Variants in TRMT11 observed in about 807,000 individuals in gnomAD.
TRMT11 encodes the protein tRNA methyltransferase 11.
In TRMT11, 53 loss-of-function variants were observed where a neutral mutation model predicts 62.8. The ratio of observed to expected loss-of-function variants is 0.84; its 90% confidence interval spans 0.68 to 1.06. The LOEUF (loss-of-function observed/expected upper bound fraction) is 1.06. Among genes scored for constraint, TRMT11 ranks in the 50% least tolerant of loss-of-function variants. TRMT11 has a pLI of 0.00. For missense variants in TRMT11, 556 were observed against 553.4 expected, an observed-to-expected ratio of 1.00 and a Z score of -0.05; for synonymous variants, 188 against 190.3, an observed-to-expected ratio of 0.99 and a Z score of 0.10.
At chr6:126,118,795 A>G (rs1777617002) in intron 21 of TRMT11, among the ~76,000 whole-genome samples, 1 of 152,128 alleles carries the variant, frequency 6.6e-6, no homozygotes, top group Non-Finnish European at 1.5e-5. Context: ...GTGAAAAATT[A>G]TAGAAATCAC....
intron 9 of TRMT11, 79 bp downstream of exon 9, chr6:126,011,496 A>G: frequency 5.6e-6 from 7 of 1,241,360 alleles, no homozygotes; most frequent in East Asian, 5.0e-5. Flanking sequence ...AAATTTACCA[A>G]CACATGCACA....
At chr6:126,167,621 C>T (rs1023427944) in intron 21 of TRMT11, among the ~76,000 whole-genome samples, 1 of 152,140 alleles carries the variant, frequency 6.6e-6, no homozygotes, top group African/African-American at 2.4e-5. Context: ...TTCAGCTTAT[C>T]TAAAAAATAA....
chr6:125,986,576 G>C lies in TRMT11; in HGVS notation c.26G>C (p.Arg9Thr). ...ATGGCGCTGTCGTGTACCCTTAACA[G>C]GTATCTGCTCCTCATGGCGCAGGAG... is the stretch of plus-strand genomic sequence containing the variant. MALSCTLN[R>T]YLLLMAQEHL... The change falls in exon 1 of 13, where the codon AGG becomes ACG. Residue 9 changes from arginine to threonine, a missense_variant. By Grantham distance (71) the Arg-to-Thr change is moderately conservative. Transcript: ENST00000334379. The C allele has an allele frequency of 1.3e-6, 2 of 1,592,194 alleles. No homozygotes were observed. The highest frequency in any genetic ancestry group is 1.8e-5 in the Admixed American group (1 of 56,476).
At chr6:126,099,120 A>T (rs950939228) in intron 17 of TRMT11, among the ~76,000 whole-genome samples, 1 of 152,156 alleles carries the variant, frequency 6.6e-6, no homozygotes, top group Non-Finnish European at 1.5e-5. Context: ...ATTCATTGTT[A>T]GCTTCTTATC....
intron 17 of TRMT11, among the ~76,000 whole-genome samples, chr6:126,088,339 C>T (rs1291531144): frequency 6.6e-6 from 1 of 152,032 alleles, no homozygotes; most frequent in East Asian, 1.9e-4. Context: ...AAGCTTATGC[C>T]ACACCAGTGG....
At chr6:126,241,810 T>G in the TRMT11 span, among the ~76,000 whole-genome samples, 2 of 151,878 alleles carry the variant, frequency 1.3e-5, no homozygotes, top group South Asian at 4.1e-4. Context: ...TAATAAGAGC[T>G]ATTCATGGAC....
chr6:126,235,712 T>A, the TRMT11 span, among the ~76,000 whole-genome samples: 1 of 151,980 alleles, frequency 6.6e-6, no homozygotes, highest in Non-Finnish European at 1.5e-5. Context: ...GGATGGGGAT[T>A]GGGAGGGGAG....
At chr6:126,002,730 A>G (rs1413954072) in intron 7 of TRMT11, among the ~76,000 whole-genome samples, 1 of 152,066 alleles carries the variant, frequency 6.6e-6, no homozygotes, top group Admixed American at 6.6e-5. Flanking sequence ...GTGGTACTCA[A>G]AGAGATGTCA....
chr6:126,026,875 G>A (rs1225988489), intron 12 of TRMT11, among the ~76,000 whole-genome samples: 3 of 145,402 alleles, frequency 2.1e-5, no homozygotes, highest in East Asian at 2.1e-4. Flanking sequence ...GGATCTCAGC[G>A]CACTGCAAGC....
intron 21 of TRMT11, among the ~76,000 whole-genome samples, chr6:126,122,347 C>T (rs1777659908): frequency 6.6e-6 from 1 of 152,132 alleles, no homozygotes; most frequent in African/African-American, 2.4e-5. Context: ...CTCTGACCTT[C>T]TCTTGCCCTC....
Position 126,080,265 on chromosome 6 carries a change from A to AT in TRMT11, c.*1437+27085dup, listed in dbSNP as rs530449604. ...TACAGGCATTCAGTTATTTTGCTTT[A>AT]TTTTTTTTTTGTCTTAATGTTTTTT... On this transcript the variant is annotated intron_variant and NMD_transcript_variant, in intron 17 of 22. Transcript: ENST00000648977. 4.6e-3 allele frequency among the ~76,000 whole-genome samples: 675 copies of AT among 146,880 alleles called. 4 individuals carry two copies. Among genetic ancestry groups the AT allele is most frequent in the East Asian group, 0.041 (207 of 5,032 alleles).
At chr6:126,103,072 T>A (rs1462268540) in intron 17 of TRMT11, among the ~76,000 whole-genome samples, 1 of 152,240 alleles carries the variant, frequency 6.6e-6, no homozygotes, top group African/African-American at 2.4e-5. Context: ...AGGCTCTATT[T>A]ATCCTGCAAG....
chr6:126,060,414 C>CACCAGAGAAGTGAAAG (rs1776499106), intron 17 of TRMT11, among the ~76,000 whole-genome samples: 1 of 152,166 alleles, frequency 6.6e-6, no homozygotes, highest in Non-Finnish European at 1.5e-5. Context: ...TCAAGCTGTC[C>CACCAGAGAAGTGAAAG]ACCAGAGAAG....
chr6:126,151,832 TTC>T (rs1491540413), intron 21 of TRMT11, among the ~76,000 whole-genome samples: 1 of 134,402 alleles, frequency 7.4e-6, no homozygotes, highest in African/African-American at 3.0e-5. Flanking sequence ...CTTTCTTTCT[TTC>T]TTTCTTTCTT....
At chr6:126,163,403 C>T (rs992482661) in intron 21 of TRMT11, among the ~76,000 whole-genome samples, 7 of 152,060 alleles carry the variant, frequency 4.6e-5, no homozygotes, top group Non-Finnish European at 7.4e-5. Flanking sequence ...GGGATGAAGC[C>T]GACTTGATCA....
intron 12 of TRMT11, among the ~76,000 whole-genome samples, chr6:126,026,684 T>C (rs1773172345): frequency 6.7e-6 from 1 of 149,502 alleles, no homozygotes; most frequent in African/African-American, 2.5e-5. Flanking sequence ...CGCGCCCGGC[T>C]CTAAAAGGTA....
chr6:126,024,620 G>T (rs1212296913), intron 12 of TRMT11, among the ~76,000 whole-genome samples: 1 of 152,128 alleles, frequency 6.6e-6, no homozygotes, highest in Non-Finnish European at 1.5e-5. Flanking sequence ...CTCCTTAAAG[G>T]CCCTGTCTTC....
chr6:126,254,761 A>G, the TRMT11 span, among the ~76,000 whole-genome samples: 1 of 152,228 alleles, frequency 6.6e-6, no homozygotes, highest in Non-Finnish European at 1.5e-5. Context: ...ACACTGTTAA[A>G]TGCCATTAGC....
At chr6:126,178,822 C>T (rs1029544816) in intron 1 of TRMT11, among the ~76,000 whole-genome samples, 1 of 152,088 alleles carries the variant, frequency 6.6e-6, no homozygotes, top group Non-Finnish European at 1.5e-5. Context: ...TTGGGAGTTA[C>T]ATTATCAGTG....
Sources: allele counts gnomAD v4.1 joint callset (sites outside exome capture counted in the v4.1 genomes callset), GRCh38; gene constraint gnomAD v4.1.1; transcripts MANE v1.5; gene names NCBI Gene and HGNC (gene_info 2026-07-23, HGNC 2026-07-21).